SLC9A9: variants seen among roughly 807,000 people sequenced by gnomAD.
SLC9A9 encodes solute carrier family 9 member A9.
In SLC9A9, 62 loss-of-function variants were observed where a neutral mutation model predicts 77.8. The observed-to-expected ratio is 0.80, with a 90% CI of 0.65 to 0.98. SLC9A9 has a LOEUF of 0.98. Among genes scored for constraint, SLC9A9 ranks in the 50% least tolerant of loss-of-function variants. The pLI, the probability that SLC9A9 is intolerant of heterozygous loss-of-function variation, is 0.00. For missense variants in SLC9A9, 775 were observed against 774.9 expected, an observed-to-expected ratio of 1.00 and a Z score of 0.00; for synonymous variants, 320 against 283.5, an observed-to-expected ratio of 1.13 and a Z score of -1.29.
intron 12 of SLC9A9, among the ~76,000 whole-genome samples, chr3:143,395,708 G>A (rs1416396923): frequency 1.3e-5 from 2 of 152,106 alleles, no homozygotes; most frequent in Non-Finnish European, 2.9e-5. Context: ...ATCTGACGAA[G>A]GGCTAATATC....
intron 12 of SLC9A9, among the ~76,000 whole-genome samples, chr3:143,462,964 G>A (rs2035220543): frequency 6.6e-6 from 1 of 152,082 alleles, no homozygotes; most frequent in Admixed American, 6.5e-5. Flanking sequence ...AACCACCCTG[G>A]GAAGCGGCTA....
At chr3:143,732,324 A>G (rs1934825896) in intron 4 of SLC9A9, among the ~76,000 whole-genome samples, 1 of 152,250 alleles carries the variant, frequency 6.6e-6, no homozygotes, top group Non-Finnish European at 1.5e-5. Flanking sequence ...TTATTCTGAA[A>G]TGATCTTACT....
chr3:143,840,688 A>G (rs1283277585), intron 1 of SLC9A9, among the ~76,000 whole-genome samples: 1 of 152,216 alleles, frequency 6.6e-6, no homozygotes, highest in Non-Finnish European at 1.5e-5. Context: ...TTCAAGGTAG[A>G]GAAGAAACTT....
At chr3:143,775,753 G>C (rs965198029) in intron 4 of SLC9A9, among the ~76,000 whole-genome samples, 9 of 152,148 alleles carry the variant, frequency 5.9e-5, no homozygotes, top group Admixed American at 4.6e-4. Context: ...TTTAGGGTGT[G>C]CTTGACTCTG....
chr3:143,522,106 C>T lies in SLC9A9; in HGVS notation c.1090-26658G>A, dbSNP rs1300349887. On this transcript the variant is annotated intron_variant, in intron 9 of 15. Coordinates refer to ENST00000316549, the MANE Select transcript of SLC9A9 (RefSeq NM_173653.4). The stretch of plus-strand genomic sequence containing the variant: ...TTGAAATTGATTTTTCAGTTTGTGT[C>T]TCTCGACCTCATAGCAATATAAACT... Among the ~76,000 whole-genome samples the T allele has an allele frequency of 2.0e-5, 3 of 152,176 alleles. No homozygotes were observed. In the East Asian group the frequency reaches 5.8e-4, roughly 29 times the overall value.
At chr3:143,739,241 A>G (rs75139870) in intron 4 of SLC9A9, among the ~76,000 whole-genome samples, 4,102 of 152,270 alleles carry the variant, frequency 0.027, 178 homozygotes, top group African/African-American at 0.093. Flanking sequence ...AATAATAATG[A>G]GCTTGTCATC....
At chr3:143,598,155 G>A (rs1246196744) in intron 6 of SLC9A9, among the ~76,000 whole-genome samples, 1 of 151,764 alleles carries the variant, frequency 6.6e-6, no homozygotes, top group Non-Finnish European at 1.5e-5. Context: ...CAGTATAAGG[G>A]ACACATTATT....
intron 12 of SLC9A9, among the ~76,000 whole-genome samples, chr3:143,438,503 C>T (rs1209951067): frequency 2.0e-5 from 3 of 152,114 alleles, no homozygotes; most frequent in African/African-American, 7.2e-5. Context: ...CTCCCCATTC[C>T]AGCCTGAGAA....
intron 13 of SLC9A9, among the ~76,000 whole-genome samples, chr3:143,371,118 A>G (rs1352489265): frequency 1.3e-5 from 2 of 152,134 alleles, no homozygotes; most frequent in African/African-American, 4.8e-5. Context: ...TCCTTGGTTG[A>G]ACACTGACCT....
At chr3:143,477,171 C>A (rs1374977468) in intron 11 of SLC9A9, among the ~76,000 whole-genome samples, 1 of 152,030 alleles carries the variant, frequency 6.6e-6, no homozygotes, top group Non-Finnish European at 1.5e-5. Flanking sequence ...CTGGTTCTGA[C>A]CAGTAAAATG....
At chr3:143,336,643 T>C (rs1238323483) in intron 14 of SLC9A9, among the ~76,000 whole-genome samples, 1 of 152,156 alleles carries the variant, frequency 6.6e-6, no homozygotes, top group East Asian at 1.9e-4. Flanking sequence ...TCAGCCAGTC[T>C]CAAAAAGACA....
intron 9 of SLC9A9, among the ~76,000 whole-genome samples, chr3:143,520,363 C>T (rs9873052): frequency 2.0e-5 from 3 of 151,876 alleles, no homozygotes; most frequent in South Asian, 2.1e-4. Context: ...CCATCATGTG[C>T]GGATACAGCA....
chr3:143,595,197 G>A (rs1312019969), intron 6 of SLC9A9, among the ~76,000 whole-genome samples: 2 of 152,226 alleles, frequency 1.3e-5, no homozygotes, highest in African/African-American at 4.8e-5. Context: ...AGTGGAGCTA[G>A]TGGATTTGGC....
At chr3:143,830,751 A>C (rs1346977205) in intron 2 of SLC9A9, among the ~76,000 whole-genome samples, 1 of 152,236 alleles carries the variant, frequency 6.6e-6, no homozygotes, top group Non-Finnish European at 1.5e-5. Flanking sequence ...AAGTTTAAAA[A>C]ATATTTATTT....
At position 143,271,474 on chromosome 3, in the gene SLC9A9, C is replaced by T. The variant is rs1937897118; in HGVS notation, c.1605-2494G>A. Among the ~76,000 whole-genome samples the T allele has an allele frequency of 2.6e-5, 4 of 152,260 alleles. No individual in the cohort carries two copies. The South Asian group carries it at 8.3e-4, about 32-fold the overall frequency. Reference sequence around the variant, plus strand: ...TAAACCTTGATATGCTATAAAAATGCTACTTACTTAAAAAACTGTCTGAGT... The same window carrying T: ...TAAACCTTGATATGCTATAAAAATGTTACTTACTTAAAAAACTGTCTGAGT... On this transcript the variant is annotated intron_variant, in intron 14 of 15. Transcript: ENST00000316549.
At chr3:143,554,842 G>A (rs1040766632) in intron 8 of SLC9A9, among the ~76,000 whole-genome samples, 1 of 152,136 alleles carries the variant, frequency 6.6e-6, no homozygotes, top group Non-Finnish European at 1.5e-5. Context: ...ATATCCACAT[G>A]GCTCCTTCCC....
intron 8 of SLC9A9, among the ~76,000 whole-genome samples, chr3:143,556,938 G>C (rs1360559059): frequency 2.0e-5 from 3 of 152,212 alleles, no homozygotes; most frequent in Non-Finnish European, 4.4e-5. Context: ...AAGAGAACTG[G>C]AACTCATCCT....
At chr3:143,335,918 T>G (rs971165561) in intron 14 of SLC9A9, among the ~76,000 whole-genome samples, 7 of 152,092 alleles carry the variant, frequency 4.6e-5, no homozygotes, top group Admixed American at 1.3e-4. Flanking sequence ...TGGTACTACA[T>G]CTTCTACATA....
At chr3:143,327,893 G>C (rs1425344546) in intron 14 of SLC9A9, among the ~76,000 whole-genome samples, 1 of 152,190 alleles carries the variant, frequency 6.6e-6, no homozygotes, top group Non-Finnish European at 1.5e-5. Flanking sequence ...AATTCATTGA[G>C]CACTAACTAG....
Sources: gnomAD v4.1 joint callset for allele counts (sites outside exome capture counted in the v4.1 genomes callset) on GRCh38, gnomAD v4.1.1 for gene constraint, MANE v1.5 for transcripts, NCBI Gene and HGNC (gene_info 2026-07-23, HGNC 2026-07-21) for gene names.